Variants in DCP2 observed in about 807,000 individuals in gnomAD.
DCP2 encodes the protein decapping mRNA 2, also known as m7GpppN-mRNA hydrolase.
A neutral mutation model predicts 56.1 loss-of-function variants in DCP2; 30 were observed. The ratio of observed to expected loss-of-function variants is 0.53; its 90% CI spans 0.40 to 0.73. The LOEUF (loss-of-function observed/expected upper bound fraction) is 0.73, where lower values mean the gene tolerates loss of function less well. Among genes scored for constraint, DCP2 ranks in the 30% least tolerant of loss-of-function variants. The pLI is 0.00. For missense variants in DCP2, 533 were observed against 502.7 expected (o/e 1.06, Z -0.58); for synonymous variants, 197 against 163.3 (o/e 1.21, Z -1.57).
At chr5:112,994,871 AG>A (rs1748777408) in intron 4 of DCP2, among the ~76,000 whole-genome samples, 1 of 152,208 alleles carries the variant, frequency 6.6e-6, no homozygotes, top group Non-Finnish European at 1.5e-5. Flanking sequence ...AAAAATTCTA[AG>A]GTGGTAGTGA....
At chr5:112,993,545 G>C (rs941600452) in intron 4 of DCP2, among the ~76,000 whole-genome samples, 2 of 147,424 alleles carry the variant, frequency 1.4e-5, no homozygotes, top group African/African-American at 5.0e-5. Flanking sequence ...AGAATCTCTT[G>C]AACTCGGGAG....
At chr5:112,981,028 G>A (rs1197222041) in intron 1 of DCP2, among the ~76,000 whole-genome samples, 1 of 135,834 alleles carries the variant, frequency 7.4e-6, no homozygotes, top group Admixed American at 7.3e-5. Flanking sequence ...GTGACTTTAT[G>A]ATTTTTTTTT....
chr5:113,007,072 A>G (rs568157585), intron 8 of DCP2, among the ~76,000 whole-genome samples: 1 of 152,218 alleles, frequency 6.6e-6, no homozygotes, highest in South Asian at 2.1e-4. Context: ...TGGGAGGTGG[A>G]GGTTGCAGAG....
At chr5:112,980,091 A>G (rs1176011394) in intron 1 of DCP2, among the ~76,000 whole-genome samples, 1 of 152,238 alleles carries the variant, frequency 6.6e-6, no homozygotes, top group Admixed American at 6.5e-5. Context: ...GCAGCATTTT[A>G]TGGTGATACT....
chr5:112,992,348 T>G (rs1338916508), intron 3 of DCP2, 100 bp downstream of exon 3: 3 of 1,436,370 alleles, frequency 2.1e-6, no homozygotes, highest in Non-Finnish European at 2.8e-6. Flanking sequence ...GGTTTTAAAA[T>G]ATACTTAGAT....
At chr5:112,987,080 T>A (rs1748324484) in intron 2 of DCP2, among the ~76,000 whole-genome samples, 1 of 152,226 alleles carries the variant, frequency 6.6e-6, no homozygotes, top group Admixed American at 6.5e-5. Context: ...TGTCGTGATT[T>A]ATTAGTTATA....
At position 113,018,521 on chromosome 5, in the gene DCP2, C is replaced by G. The variant is rs990457914; in HGVS notation, c.*5037C>G. 6.6e-6 allele frequency: 1 copy of G among 152,236 alleles called. No individual in the cohort carries two copies. The highest frequency in any genetic ancestry group is 1.5e-5 in the Non-Finnish European group (1 of 68,054). 9.4% of individuals were successfully genotyped at this position (152,236 alleles called of 1,614,324 possible). A position where few individuals can be genotyped will look rare whatever the true frequency, so the allele number is the denominator to read the frequency against. On this transcript the variant is annotated 3_prime_UTR_variant, in exon 11 of 11. Coordinates refer to ENST00000389063, the MANE Select transcript of DCP2 (RefSeq NM_152624.6). ...TACTCTGAAGAGTGAATGCAGAAAT[C>G]AGTTGGCTGTGTTTGTAATCTTGTC...
chr5:113,010,749 T>A lies in DCP2; in HGVS notation c.1048-7T>A, dbSNP rs200465444. On this transcript the variant is annotated splice_polypyrimidine_tract_variant and splice_region_variant and intron_variant, in intron 9 of 10. Coordinates refer to ENST00000389063, the MANE Select transcript of DCP2 (RefSeq NM_152624.6). ...TGTGTGTGTGTGTTTTTTTTTTTTT[T>A]AAATAGAAGTGTGAAAAGAAACTTC... 6.2e-5 allele frequency: 97 copies of A among 1,552,790 alleles called. No homozygotes were observed. The highest frequency in any genetic ancestry group is 4.9e-4 in the Admixed American group (24 of 49,440).
intron 4 of DCP2, among the ~76,000 whole-genome samples, chr5:112,997,994 G>A (rs1017762166): frequency 6.6e-6 from 1 of 152,180 alleles, no homozygotes; most frequent in Non-Finnish European, 1.5e-5. Flanking sequence ...CTTCTGCTAG[G>A]AGAATTAAAC....
intron 8 of DCP2, 89 bp from the exon 9 acceptor site, chr5:113,007,843 CTTGGTT>C: frequency 9.1e-7 from 1 of 1,098,118 alleles, no homozygotes; most frequent in Non-Finnish European, 1.3e-6. Flanking sequence ...TTGCTAAAAA[CTTGGTT>C]CAACCAGCTA....
rs138101825 is a variant in DCP2, at chr5:112,981,667, C to T, written c.54-4168C>T. On this transcript the variant is annotated intron_variant, in intron 1 of 10. Coordinates refer to ENST00000389063, the MANE Select transcript of DCP2 (RefSeq NM_152624.6). The stretch of plus-strand genomic sequence containing the variant: ...TTGCAGAATATCTGAATGAATTCTC[C>T]GTTCTTATATCCTACAAATTGGTCA... Among the ~76,000 whole-genome samples, 9 of 152,214 alleles carry T rather than the reference C, an allele frequency of 5.9e-5. 1 individual carries two copies. The South Asian group carries it at 8.3e-4, about 14-fold the overall frequency.
rs1329519530 is a variant in DCP2 at position 113,019,598 on chromosome 5, C to T, written c.*6114C>T. The T allele has an allele frequency of 6.6e-6, 1 of 152,174 alleles. No homozygotes were observed. The highest frequency in any genetic ancestry group is 1.5e-5 in the Non-Finnish European group (1 of 68,004). 9.4% of individuals were successfully genotyped at this position (152,174 alleles called of 1,614,324 possible). On this transcript the variant is annotated 3_prime_UTR_variant, in exon 11 of 11. Coordinates refer to ENST00000389063, the MANE Select transcript of DCP2 (RefSeq NM_152624.6). ...GACAGGAGACAGCTAACCTGACTTCCATTTTACAAATATTAGAAACTTTTT... is the reference window on the plus strand; with the variant it reads ...GACAGGAGACAGCTAACCTGACTTCTATTTTACAAATATTAGAAACTTTTT...
chr5:112,991,324 A>C (rs1388515265), intron 2 of DCP2, among the ~76,000 whole-genome samples: 1 of 152,218 alleles, frequency 6.6e-6, no homozygotes, highest in East Asian at 1.9e-4. Flanking sequence ...TTTTAAAATT[A>C]ACAGTATTAT....
chr5:112,995,486 C>T (rs1051205364), intron 4 of DCP2, among the ~76,000 whole-genome samples: 2 of 152,094 alleles, frequency 1.3e-5, no homozygotes, highest in African/African-American at 4.8e-5. Flanking sequence ...GGTGGTTGTC[C>T]AGGTCAGGAA....
rs1028694988 is a variant in DCP2, at chr5:113,014,303, A to G, written c.*819A>G. On this transcript the variant is annotated 3_prime_UTR_variant, in exon 11 of 11. Transcript: ENST00000389063. ...CTCGTAGACTTTTGTTCTTGTGGAA[A>G]TTTCTTCTGTATTCCAGTTGTGTAA... The G allele has an allele frequency of 6.6e-6, 1 of 152,134 alleles. No homozygotes were observed. The highest frequency in any genetic ancestry group is 2.4e-5 in the African/African-American group (1 of 41,410). The allele number at this position is 152,134 out of a possible 1,614,324, so 9.4% of individuals were successfully genotyped here.
At chr5:112,996,762 C>G (rs906607201) in intron 4 of DCP2, among the ~76,000 whole-genome samples, 1 of 152,114 alleles carries the variant, frequency 6.6e-6, no homozygotes, top group Non-Finnish European at 1.5e-5. Context: ...TCTATTTGAC[C>G]TTTTGGCTCA....
At chr5:113,007,332 G>A (rs951523993) in intron 8 of DCP2, among the ~76,000 whole-genome samples, 4 of 151,536 alleles carry the variant, frequency 2.6e-5, no homozygotes, top group Non-Finnish European at 4.4e-5. Flanking sequence ...CATTAGAAAC[G>A]AGATCTATAA....
intron 4 of DCP2, among the ~76,000 whole-genome samples, chr5:112,993,999 G>A (rs769170676): frequency 2.2e-4 from 34 of 151,728 alleles, no homozygotes; most frequent in Non-Finnish European, 4.7e-4. Context: ...CAAAGTCTAT[G>A]TTGCCCAGGC....
At chr5:112,977,839 C>T (rs920030918) in intron 1 of DCP2, among the ~76,000 whole-genome samples, 1 of 151,904 alleles carries the variant, frequency 6.6e-6, no homozygotes, top group African/African-American at 2.4e-5. Flanking sequence ...GTGATAACAC[C>T]TTTTCGTTCA....
Sources: allele counts gnomAD v4.1 joint callset (sites outside exome capture counted in the v4.1 genomes callset), GRCh38; gene constraint gnomAD v4.1.1; transcripts MANE v1.5; gene names NCBI Gene and HGNC (gene_info 2026-07-23, HGNC 2026-07-21).